The following CCDC7 variants were observed in gnomAD, a reference collection of about 807,000 sequenced individuals.
CCDC7 encodes coiled-coil domain-containing protein 7.
Under a neutral mutation model 196.9 loss-of-function variants are expected in CCDC7, and 183 were observed. The observed-to-expected ratio is 0.93, with a 90% CI of 0.82 to 1.05. The LOEUF is 1.05. CCDC7 is among the 50% of genes least tolerant of loss of function. The pLI, the probability that CCDC7 is intolerant of heterozygous loss-of-function variation, is 0.00. For missense variants in CCDC7, 1,540 were observed against 1,482.2 expected (o/e 1.04, Z -0.64); for synonymous variants, 525 against 484.6 (o/e 1.08, Z -1.10).
At chr10:32,703,168 A>G (rs545181630) in intron 24 of CCDC7, among the ~76,000 whole-genome samples, 1 of 152,006 alleles carries the variant, frequency 6.6e-6, no homozygotes, top group East Asian at 1.9e-4. Flanking sequence ...GTTCCTTTTC[A>G]TGTTTAGTGC....
chr10:32,696,442 G>A (rs2077735967), intron 24 of CCDC7, among the ~76,000 whole-genome samples: 1 of 151,518 alleles, frequency 6.6e-6, no homozygotes, highest in African/African-American at 2.4e-5. Context: ...TCCTCACTGG[G>A]GACATAGGGA....
At chr10:32,838,670 G>C (rs896885767) in intron 33 of CCDC7, among the ~76,000 whole-genome samples, 1 of 151,898 alleles carries the variant, frequency 6.6e-6, no homozygotes, top group African/African-American at 2.4e-5. Flanking sequence ...TCATCATGTA[G>C]GCCTATAGTA....
In CCDC7 at chr10:32,633,682, G is replaced by GTATATATATATATATA. The variant is rs139788574; in HGVS notation, c.1802-557_1802-556insATATATATATATATAT. On this transcript the variant is annotated intron_variant, in intron 18 of 41. Coordinates refer to ENST00000639629, the Ensembl canonical transcript of CCDC7. ...TCTAATTCTATTGATTTAGCTTTGTGTATATATATATATATGTGTGTGTGT... is the reference window on the plus strand; with the variant it reads ...TCTAATTCTATTGATTTAGCTTTGTGTATATATATATATATATATATATATATATATGTGTGTGTGT... Among the ~76,000 whole-genome samples, 59 of 121,712 alleles carry GTATATATATATATATA rather than the reference G, an allele frequency of 4.8e-4. No individual in the cohort carries two copies. In the East Asian group the frequency reaches 0.013, roughly 28 times the overall value. The allele number at this position is 121,712 out of a possible 152,430, so 79.8% of individuals were successfully genotyped here. A position where few individuals can be genotyped will look rare whatever the true frequency, so the allele number is the denominator to read the frequency against.
At chr10:32,574,459 A>T (rs748051177) in intron 16 of CCDC7, 1 of 1,593,166 alleles carries the variant, frequency 6.3e-7, no homozygotes, top group Non-Finnish European at 8.5e-7. Context: ...ATACTTTGGA[A>T]AAGTCTCCCA....
intron 24 of CCDC7, among the ~76,000 whole-genome samples, chr10:32,710,916 A>C (rs1162080355): frequency 1.3e-5 from 2 of 152,190 alleles, no homozygotes; most frequent in African/African-American, 2.4e-5. Flanking sequence ...GAGTGTAAAC[A>C]TGGAAGGTCA....
At chr10:32,852,413 A>T (rs1428649980) in intron 40 of CCDC7, among the ~76,000 whole-genome samples, 3 of 152,150 alleles carry the variant, frequency 2.0e-5, no homozygotes, top group East Asian at 3.9e-4. Flanking sequence ...TTCGATTCTT[A>T]TCTGTCACTC....
chr10:32,560,191 T>A (rs1358873273), intron 13 of CCDC7, among the ~76,000 whole-genome samples: 1 of 152,156 alleles, frequency 6.6e-6, no homozygotes, highest in Non-Finnish European at 1.5e-5. Context: ...CAAATCTATG[T>A]CTGATTGGTG....
intron 11 of CCDC7, among the ~76,000 whole-genome samples, chr10:32,529,928 A>G (rs1399042195): frequency 6.6e-6 from 1 of 152,202 alleles, no homozygotes; most frequent in Non-Finnish European, 1.5e-5. Context: ...TCTTTGATCC[A>G]TCTTGAGTTG....
At chr10:32,511,845 G>A in intron 9 of CCDC7, 3 of 709,536 alleles carry the variant, frequency 4.2e-6, no homozygotes, top group Non-Finnish European at 5.0e-6. Flanking sequence ...GGCGCTTTCC[G>A]ATGATCTCAC....
intron 8 of CCDC7, among the ~76,000 whole-genome samples, chr10:32,486,887 G>C (rs2041210382): frequency 6.6e-6 from 1 of 151,866 alleles, no homozygotes; most frequent in African/African-American, 2.4e-5. Flanking sequence ...GCTTCCCTTT[G>C]TTGGTAACTG....
At chr10:32,468,293 A>T (rs2037257218) in intron 5 of CCDC7, among the ~76,000 whole-genome samples, 1 of 151,748 alleles carries the variant, frequency 6.6e-6, no homozygotes, top group Non-Finnish European at 1.5e-5. Context: ...CCTTGTAGAG[A>T]TTGTTCACCT....
upstream of CCDC7, among the ~76,000 whole-genome samples, chr10:32,449,650 G>A (rs2032471267): frequency 6.6e-6 from 1 of 152,176 alleles, no homozygotes; most frequent in South Asian, 2.1e-4. Context: ...GGGAAAGTAT[G>A]TGGGTGTATT....
Position 32,482,262 on chromosome 10 carries a change from C to T in CCDC7, c.796+8239C>T, listed in dbSNP as rs78998830. Among the ~76,000 whole-genome samples, 344 of 152,008 alleles carry T rather than the reference C, an allele frequency of 2.3e-3. 2 individuals carry two copies. The highest frequency in any genetic ancestry group is 7.8e-3 in the African/African-American group (324 of 41,528). On this transcript the variant is annotated intron_variant, in intron 8 of 41. Coordinates refer to ENST00000639629, the Ensembl canonical transcript of CCDC7. ...GATTTCTTACATGTATATATTGTGT[C>T]GTGGTGAAGTCTGGGCTTTTAGTGT...
intron 28 of CCDC7, among the ~76,000 whole-genome samples, chr10:32,735,522 G>T (rs538726654): frequency 6.6e-6 from 1 of 151,762 alleles, no homozygotes; most frequent in Admixed American, 6.6e-5. Flanking sequence ...TATCTTTTTT[G>T]GTATCTCTTC....
At position 32,868,117 on chromosome 10, in the gene CCDC7, A is replaced by G. The variant is rs530436251; in HGVS notation, c.4112-8230A>G. On this transcript the variant is annotated intron_variant, in intron 41 of 41. Coordinates refer to ENST00000639629, the Ensembl canonical transcript of CCDC7. ...GAATTTCCTTCCTTTATTTAACTGA[A>G]TCATATTACATTGTATGTATATACC... 3.2e-3 allele frequency among the ~76,000 whole-genome samples: 486 copies of G among 152,052 alleles called. 2 individuals carry two copies. Among genetic ancestry groups the G allele is most frequent in the African/African-American group, 0.011 (440 of 41,524 alleles).
chr10:32,549,877 T>C (rs2053177066), intron 13 of CCDC7, among the ~76,000 whole-genome samples: 1 of 152,094 alleles, frequency 6.6e-6, no homozygotes, highest in Non-Finnish European at 1.5e-5. Context: ...TTTTGCTTAG[T>C]CTTACTTTGG....
chr10:32,876,322 A>G (rs762600427), intron 41 of CCDC7, 25 bp from the exon 43 acceptor site: 2 of 1,591,242 alleles, frequency 1.3e-6, no homozygotes, highest in Middle Eastern at 1.7e-4. Flanking sequence ...CTTTTTTTCA[A>G]TTAACACATA....
chr10:32,591,399 A>C (rs1590246222), intron 18 of CCDC7, among the ~76,000 whole-genome samples: 1 of 151,940 alleles, frequency 6.6e-6, no homozygotes, highest in East Asian at 1.9e-4. Flanking sequence ...AATTAGGAAA[A>C]ATTAAGTGTT....
chr10:32,543,445 T>G, intron 12 of CCDC7, 60 bp downstream of exon 13: 1 of 1,203,784 alleles, frequency 8.3e-7, no homozygotes, highest in Non-Finnish European at 1.1e-6. Context: ...TTTCTTTTTA[T>G]ACAAACAATT....
Sources: allele counts gnomAD v4.1 joint callset (sites outside exome capture counted in the v4.1 genomes callset), GRCh38; gene constraint gnomAD v4.1.1; transcripts MANE v1.5; gene names NCBI Gene and HGNC (gene_info 2026-07-23, HGNC 2026-07-21).